The following STK39 variants were observed in gnomAD, a reference collection of about 807,000 sequenced individuals.
STK39 encodes serine/threonine kinase 39.
In STK39, 20 loss-of-function variants were observed where a neutral mutation model predicts 77.8. The observed-to-expected ratio is 0.26, with a 90% CI of 0.18 to 0.37. STK39 has a LOEUF of 0.37. Ranked by LOEUF, STK39 falls within the 10% of genes least tolerant of loss-of-function variation. STK39 has a pLI of 1.00. For missense variants in STK39, 479 were observed against 656.5 expected (o/e 0.73, Z 2.95); for synonymous variants, 246 against 234.1 (o/e 1.05, Z -0.47).
chr2:168,199,920 C>A (rs1353768049), intron 1 of STK39, among the ~76,000 whole-genome samples: 1 of 152,156 alleles, frequency 6.6e-6, no homozygotes. Context: ...GGTCTTCAGC[C>A]ATATCAAATA....
chr2:168,152,904 C>T (rs1688328564), intron 5 of STK39, among the ~76,000 whole-genome samples: 1 of 152,194 alleles, frequency 6.6e-6, no homozygotes, highest in Non-Finnish European at 1.5e-5. Flanking sequence ...AACAAATCTT[C>T]ACTCAACCAG....
chr2:167,959,265 C>T (rs949975617), intron 17 of STK39, among the ~76,000 whole-genome samples: 2 of 151,794 alleles, frequency 1.3e-5, no homozygotes, highest in African/African-American at 4.8e-5. Flanking sequence ...ACTACAGGTG[C>T]CCGCCACCAT....
At chr2:168,116,486 A>C (rs1395193053) in intron 10 of STK39, among the ~76,000 whole-genome samples, 2 of 152,322 alleles carry the variant, frequency 1.3e-5, no homozygotes, top group East Asian at 3.9e-4. Flanking sequence ...CTGGATTTCA[A>C]AGTAAAAAAA....
chr2:167,974,879 C>A (rs1307371681), intron 16 of STK39, among the ~76,000 whole-genome samples: 2 of 152,140 alleles, frequency 1.3e-5, no homozygotes, highest in Admixed American at 1.3e-4. Context: ...AATGAAAAGA[C>A]TGACTGGGTT....
intron 1 of STK39, among the ~76,000 whole-genome samples, chr2:168,222,771 C>T (rs2105721419): frequency 6.6e-6 from 1 of 152,162 alleles, no homozygotes; most frequent in South Asian, 2.1e-4. Flanking sequence ...TCTCAATTAG[C>T]CATACCAATG....
At chr2:168,214,665 T>C (rs1404300363) in intron 1 of STK39, among the ~76,000 whole-genome samples, 1 of 152,140 alleles carries the variant, frequency 6.6e-6, no homozygotes, top group African/African-American at 2.4e-5. Context: ...TGTAAAATAA[T>C]AACATGTTTT....
intron 16 of STK39, among the ~76,000 whole-genome samples, chr2:167,973,826 T>C (rs773513426): frequency 1.3e-5 from 2 of 152,192 alleles, no homozygotes; most frequent in Non-Finnish European, 2.9e-5. Flanking sequence ...GTAAAAAAAT[T>C]CTGTGTGTGA....
rs1401378915 is a variant in STK39, at chr2:168,231,544, T to G, written c.208+15684A>C. On this transcript the variant is annotated intron_variant, in intron 1 of 17. Transcript: ENST00000355999. ...TGCCACCAGAGCTGCTGCAAGAACATGTTTTTCACTGGGTGTAGCTTCACA... is the reference window on the plus strand; with the variant it reads ...TGCCACCAGAGCTGCTGCAAGAACAGGTTTTTCACTGGGTGTAGCTTCACA... Among the ~76,000 whole-genome samples, 4 of 151,782 alleles carry G rather than the reference T, an allele frequency of 2.6e-5. No homozygotes were observed. In the South Asian group the frequency reaches 8.3e-4, roughly 31 times the overall value.
At chr2:168,044,738 A>T (rs1339878990) in intron 14 of STK39, among the ~76,000 whole-genome samples, 1 of 152,162 alleles carries the variant, frequency 6.6e-6, no homozygotes, top group Non-Finnish European at 1.5e-5. Flanking sequence ...GTGAGCGAAG[A>T]CCTGTTTGTC....
At chr2:168,224,827 T>C (rs1457811524) in intron 1 of STK39, among the ~76,000 whole-genome samples, 1 of 152,224 alleles carries the variant, frequency 6.6e-6, no homozygotes, top group Non-Finnish European at 1.5e-5. Context: ...TGTTCATTTG[T>C]CTTTTACCCA....
At chr2:168,053,311 A>G (rs1479850925) in intron 14 of STK39, among the ~76,000 whole-genome samples, 1 of 152,232 alleles carries the variant, frequency 6.6e-6, no homozygotes, top group Non-Finnish European at 1.5e-5. Context: ...ACATACTACC[A>G]AAGTAAACAG....
intron 16 of STK39, among the ~76,000 whole-genome samples, chr2:167,991,740 A>C (rs1005888879): frequency 1.3e-5 from 2 of 152,198 alleles, no homozygotes; most frequent in Non-Finnish European, 2.9e-5. Flanking sequence ...CGTGGAGTCA[A>C]TCCTTCTGGA....
chr2:168,180,981 T>G (rs918787548), intron 2 of STK39, among the ~76,000 whole-genome samples: 5 of 152,214 alleles, frequency 3.3e-5, no homozygotes, highest in Non-Finnish European at 5.9e-5. Context: ...TATAGTGTAC[T>G]GTAATTAAGC....
intron 10 of STK39, among the ~76,000 whole-genome samples, chr2:168,085,222 T>C (rs1686334301): frequency 6.6e-6 from 1 of 152,224 alleles, no homozygotes; most frequent in South Asian, 2.1e-4. Context: ...CTGCAAACAC[T>C]GACTCTTTCT....
intron 17 of STK39, among the ~76,000 whole-genome samples, chr2:167,960,700 C>T (rs772604655): frequency 1.2e-4 from 18 of 152,034 alleles, no homozygotes; most frequent in Admixed American, 3.9e-4. Flanking sequence ...GGTTACCTGG[C>T]GTCACTGAAA....
At chr2:168,150,715 C>A (rs1688257347) in intron 5 of STK39, among the ~76,000 whole-genome samples, 1 of 151,728 alleles carries the variant, frequency 6.6e-6, no homozygotes, top group African/African-American at 2.4e-5. Flanking sequence ...TACCTTTGCA[C>A]CAACCTGATA....
At position 168,112,519 on chromosome 2, in the gene STK39, C is replaced by T. The variant is rs150299554; in HGVS notation, c.1089+17022G>A. Among the ~76,000 whole-genome samples, 662 of 152,258 alleles carry T rather than the reference C, an allele frequency of 4.3e-3. 3 individuals are homozygous for T. Among genetic ancestry groups the T allele is most frequent in the Non-Finnish European group, 7.3e-3 (499 of 68,018 alleles). On this transcript the variant is annotated intron_variant, in intron 10 of 17. Coordinates refer to ENST00000355999, the MANE Select transcript of STK39 (RefSeq NM_013233.3). ...CCATGTAAGATGCGTCTTGCTTCCC[C>T]TTCACCTTCCACCATGATTTTAAGT... is the stretch of plus-strand genomic sequence containing the variant.
intron 16 of STK39, among the ~76,000 whole-genome samples, chr2:168,005,686 G>T (rs943378542): frequency 1.3e-5 from 2 of 152,152 alleles, no homozygotes; most frequent in Non-Finnish European, 2.9e-5. Flanking sequence ...AGTACAGCAG[G>T]ATGAAAGCCA....
chr2:168,026,574 G>A (rs187734477), intron 14 of STK39, among the ~76,000 whole-genome samples: 25 of 152,224 alleles, frequency 1.6e-4, no homozygotes, highest in Admixed American at 6.5e-4. Flanking sequence ...ACAGAACCTG[G>A]GACTCAGGAC....
Sources: allele counts gnomAD v4.1 joint callset (sites outside exome capture counted in the v4.1 genomes callset), GRCh38; gene constraint gnomAD v4.1.1; transcripts MANE v1.5; gene names NCBI Gene and HGNC (gene_info 2026-07-23, HGNC 2026-07-21).